LHFPL3: variants seen among roughly 807,000 people sequenced by gnomAD.
LHFPL3 encodes LHFPL tetraspan subfamily member 3 protein.
LHFPL3 carries 5 observed loss-of-function variants against 19.3 expected under a neutral mutation model. That is an observed-to-expected ratio of 0.26 (90% confidence interval 0.14 to 0.54). The LOEUF is 0.54. Among genes scored for constraint, LHFPL3 ranks in the 20% least tolerant of loss-of-function variants. The probability of loss-of-function intolerance (pLI) is 0.94; values close to 1 mark genes in which losing one functional copy is unlikely to be tolerated. For synonymous variants in LHFPL3, 133 were observed against 126.2 expected, an observed-to-expected ratio of 1.05 and a Z score of -0.36; for missense variants, 249 against 307.4, an observed-to-expected ratio of 0.81 and a Z score of 1.42.
intron 1 of LHFPL3, among the ~76,000 whole-genome samples, chr7:104,430,390 A>ATTTTTTTTTTTTTTTATATATACATATG (rs1791945886): frequency 1.7e-5 from 1 of 59,466 alleles, no homozygotes; most frequent in Non-Finnish European, 3.1e-5. Context: ...ATACATATAT[A>ATTTTTTTTTTTTTTTATATATACATATG]TATATATATA....
chr7:104,841,036 C>A (rs1011183636), intron 2 of LHFPL3, among the ~76,000 whole-genome samples: 2 of 152,042 alleles, frequency 1.3e-5, no homozygotes, highest in East Asian at 1.9e-4. Context: ...CCAGTAGGAG[C>A]AATAATGGTA....
rs951335901 is a variant in LHFPL3 at position 104,563,908 on chromosome 7, A to T, written c.446-172767A>T. On this transcript the variant is annotated intron_variant, in intron 1 of 2. Coordinates refer to ENST00000424859, the MANE Select transcript of LHFPL3 (RefSeq NM_199000.3). ...AACAGAAATATTAAATTTGCCATTA[A>T]ATAATAGCTTAATATTAAGCAAATG... Among the ~76,000 whole-genome samples the T allele has an allele frequency of 3.9e-5, 6 of 152,360 alleles. No homozygotes were observed. In the South Asian group the frequency reaches 1.0e-3, roughly 26 times the overall value.
chr7:104,528,149 C>T (rs926538651), intron 1 of LHFPL3, among the ~76,000 whole-genome samples: 1 of 152,144 alleles, frequency 6.6e-6, no homozygotes, highest in African/African-American at 2.4e-5. Context: ...AAATAAGTTG[C>T]TTTTACATCA....
intron 2 of LHFPL3, among the ~76,000 whole-genome samples, chr7:104,899,892 T>C (rs537694003): frequency 1.5e-3 from 229 of 152,246 alleles, no homozygotes; most frequent in African/African-American, 5.1e-3. Context: ...CCACCATACC[T>C]GGCTAATTTT....
intron 1 of LHFPL3, among the ~76,000 whole-genome samples, chr7:104,413,796 G>A (rs540145379): frequency 8.2e-4 from 124 of 152,092 alleles, no homozygotes; most frequent in African/African-American, 2.8e-3. Context: ...AGTATTTTAA[G>A]GCCATTTAAA....
chr7:104,726,362 T>G (rs1398006254), intron 1 of LHFPL3, among the ~76,000 whole-genome samples: 1 of 151,956 alleles, frequency 6.6e-6, no homozygotes, highest in African/African-American at 2.4e-5. Context: ...AAGGTACATG[T>G]GCAGGATGTG....
chr7:104,808,890 C>CTTT (rs151212974), intron 2 of LHFPL3, among the ~76,000 whole-genome samples: 5 of 77,226 alleles, frequency 6.5e-5, no homozygotes, highest in Non-Finnish European at 1.2e-4. Context: ...ATGATAGATC[C>CTTT]TTTTTTTTTT....
chr7:104,608,824 T>A (rs567794913), intron 1 of LHFPL3, among the ~76,000 whole-genome samples: 1 of 152,268 alleles, frequency 6.6e-6, no homozygotes, highest in East Asian at 1.9e-4. Flanking sequence ...TCCACCTACG[T>A]GGACAAATTA....
In LHFPL3 at chr7:104,715,939, A is replaced by AT. The variant is rs529893584; in HGVS notation, c.446-20730dup. ...GCCTGGAAGTGTTCCCTCTTCTTTG[A>AT]TTTTTTGGATAAGTTTGAGAAGGAT... On this transcript the variant is annotated intron_variant, in intron 1 of 2. Transcript: ENST00000424859. Among the ~76,000 whole-genome samples, 353 of 152,166 alleles carry AT rather than the reference A, an allele frequency of 2.3e-3. 1 individual carries two copies. The highest frequency in any genetic ancestry group is 3.6e-3 in the Non-Finnish European group (246 of 68,002).
At chr7:104,509,540 T>C (rs1242635008) in intron 1 of LHFPL3, among the ~76,000 whole-genome samples, 1 of 151,916 alleles carries the variant, frequency 6.6e-6, no homozygotes, top group Non-Finnish European at 1.5e-5. Context: ...CACCCATTCA[T>C]GGTCTAAAAA....
intron 1 of LHFPL3, among the ~76,000 whole-genome samples, chr7:104,698,717 A>C (rs1793044987): frequency 6.6e-6 from 1 of 152,242 alleles, no homozygotes; most frequent in Admixed American, 6.5e-5. Context: ...ATCCAGATGA[A>C]GGAATATTAT....
Position 104,332,734 on chromosome 7 carries a change from C to T in LHFPL3, c.445+3510C>T, listed in dbSNP as rs1801593771. Reference sequence around the variant, plus strand: ...GCCGTTATGAACACCTTATCCTCTCCCTCCTCACTCTAAGTCTTTATCAAA... The same window carrying T: ...GCCGTTATGAACACCTTATCCTCTCTCTCCTCACTCTAAGTCTTTATCAAA... On this transcript the variant is annotated intron_variant, in intron 1 of 2. Coordinates refer to ENST00000424859, the MANE Select transcript of LHFPL3 (RefSeq NM_199000.3). Among the ~76,000 whole-genome samples, 3 of 152,040 alleles carry T rather than the reference C, an allele frequency of 2.0e-5. No individual in the cohort carries two copies. In the South Asian group the frequency reaches 6.2e-4, roughly 32 times the overall value.
intron 1 of LHFPL3, among the ~76,000 whole-genome samples, chr7:104,724,901 A>G (rs1425537293): frequency 1.3e-5 from 2 of 152,226 alleles, no homozygotes; most frequent in African/African-American, 2.4e-5. Context: ...ATTTTTCTCC[A>G]GGAGCCCAAA....
At chr7:104,398,130 G>T (rs547155917) in intron 1 of LHFPL3, among the ~76,000 whole-genome samples, 1 of 150,050 alleles carries the variant, frequency 6.7e-6, no homozygotes, top group Non-Finnish European at 1.5e-5. Flanking sequence ...TCACACCTAC[G>T]TAAAATCTTC....
chr7:104,635,038 G>A (rs1791706431), intron 1 of LHFPL3, among the ~76,000 whole-genome samples: 2 of 152,090 alleles, frequency 1.3e-5, no homozygotes, highest in East Asian at 1.9e-4. Flanking sequence ...AGAATAAAAT[G>A]TTATGTATAT....
chr7:104,728,215 G>A (rs777968767), intron 1 of LHFPL3, among the ~76,000 whole-genome samples: 1 of 152,138 alleles, frequency 6.6e-6, no homozygotes, highest in Non-Finnish European at 1.5e-5. Context: ...GACCTGCCCT[G>A]TAGAGCCATG....
At chr7:104,611,681 GAAAA>G (rs1304530663) in intron 1 of LHFPL3, among the ~76,000 whole-genome samples, 2 of 150,900 alleles carry the variant, frequency 1.3e-5, no homozygotes, top group Admixed American at 1.3e-4. Flanking sequence ...CTATATAGAA[GAAAA>G]AAAGAAACAT....
intron 1 of LHFPL3, among the ~76,000 whole-genome samples, chr7:104,437,949 C>T (rs1792143672): frequency 6.6e-6 from 1 of 152,156 alleles, no homozygotes; most frequent in Non-Finnish European, 1.5e-5. Flanking sequence ...AGTTCTAAAC[C>T]TTTAATCATG....
intron 2 of LHFPL3, among the ~76,000 whole-genome samples, chr7:104,791,824 T>C (rs1318693666): frequency 2.0e-5 from 3 of 152,152 alleles, no homozygotes; most frequent in Admixed American, 6.5e-5. Context: ...GACTATGTCT[T>C]GGTTCACCTG....
Sources: allele counts gnomAD v4.1 joint callset (sites outside exome capture counted in the v4.1 genomes callset), GRCh38; gene constraint gnomAD v4.1.1; transcripts MANE v1.5; gene names NCBI Gene and HGNC (gene_info 2026-07-23, HGNC 2026-07-21).